CXADR: variants seen among roughly 807,000 people sequenced by gnomAD.
CXADR encodes the protein coxsackievirus and adenovirus receptor.
CXADR carries 20 observed loss-of-function variants against 40.3 expected under a neutral mutation model. That is an observed-to-expected ratio of 0.50 (90% CI 0.35 to 0.72). CXADR has a LOEUF of 0.72. Ranked by LOEUF, CXADR falls within the 30% of genes least tolerant of loss-of-function variation. CXADR has a pLI of 0.01. For missense variants in CXADR, 332 were observed against 449.1 expected, an observed-to-expected ratio of 0.74 and a Z score of 2.36; for synonymous variants, 150 against 161.3, an observed-to-expected ratio of 0.93 and a Z score of 0.53.
chr21:17,558,502 T>A (rs760250141), intron 3 of CXADR, among the ~76,000 whole-genome samples: 34 of 152,156 alleles, frequency 2.2e-4, no homozygotes, highest in Non-Finnish European at 2.2e-4. Flanking sequence ...CTTGCCACAC[T>A]AAGTGTTGTT....
the CXADR span, among the ~76,000 whole-genome samples, chr21:17,635,700 A>T: frequency 1.3e-5 from 2 of 152,236 alleles, no homozygotes; most frequent in Non-Finnish European, 2.9e-5. Flanking sequence ...AATACTTTTT[A>T]AGAAAACCAC....
intron 1 of CXADR, among the ~76,000 whole-genome samples, chr21:17,528,523 A>G (rs896449727): frequency 2.0e-5 from 3 of 151,350 alleles, no homozygotes; most frequent in Admixed American, 6.6e-5. Flanking sequence ...CTCCTACCTC[A>G]GCCTCCCGAG....
chr21:17,575,646 A>G (rs561284606), intron 7 of CXADR, among the ~76,000 whole-genome samples: 5 of 151,762 alleles, frequency 3.3e-5, no homozygotes, highest in African/African-American at 1.2e-4. Flanking sequence ...GTCCACTACC[A>G]AGCCCAGCTA....
At chr21:17,611,086 T>C in the CXADR span, among the ~76,000 whole-genome samples, 6 of 152,196 alleles carry the variant, frequency 3.9e-5, no homozygotes, top group South Asian at 1.2e-3. Flanking sequence ...CACGTATACA[T>C]AACCCCAGCC....
chr21:17,588,863 A>G (rs1235148498), intron 7 of CXADR, among the ~76,000 whole-genome samples: 2 of 152,010 alleles, frequency 1.3e-5, no homozygotes, highest in African/African-American at 4.8e-5. Context: ...TATGATTTCT[A>G]TTGACTTTAT....
chr21:17,611,855 T>A, the CXADR span: 1 of 152,230 alleles, frequency 6.6e-6, no homozygotes, highest in African/African-American at 2.4e-5. Flanking sequence ...TTTCCCTCCC[T>A]TGTAACGAAA....
At chr21:17,604,181 C>T in the CXADR span, 53 of 1,258,540 alleles carry the variant, frequency 4.2e-5, no homozygotes, top group South Asian at 1.1e-4. Context: ...CAGTGGCTCA[C>T]GCCTGTAATC....
At chr21:17,539,030 G>A (rs1420269975) in intron 1 of CXADR, among the ~76,000 whole-genome samples, 1 of 151,786 alleles carries the variant, frequency 6.6e-6, no homozygotes, top group African/African-American at 2.4e-5. Flanking sequence ...AGTGAACGTT[G>A]ATACCCTGCT....
the CXADR span, among the ~76,000 whole-genome samples, chr21:17,607,293 A>C: frequency 1.3e-5 from 2 of 152,178 alleles, no homozygotes; most frequent in African/African-American, 2.4e-5. Context: ...TGGCACTTCC[A>C]AAAAGCCTTC....
downstream of CXADR, among the ~76,000 whole-genome samples, chr21:17,597,761 C>T (rs1384191955): frequency 1.3e-5 from 2 of 151,904 alleles, no homozygotes; most frequent in Non-Finnish European, 2.9e-5. Flanking sequence ...TTAAGTTACA[C>T]TGAAATAATG....
At chr21:17,578,006 G>T (rs546429723) in intron 7 of CXADR, among the ~76,000 whole-genome samples, 16 of 152,060 alleles carry the variant, frequency 1.1e-4, no homozygotes, top group African/African-American at 3.6e-4. Flanking sequence ...ATAGTATTTA[G>T]ATACCATTTT....
At chr21:17,628,034 C>G in the CXADR span, among the ~76,000 whole-genome samples, 1 of 152,080 alleles carries the variant, frequency 6.6e-6, no homozygotes, top group Non-Finnish European at 1.5e-5. Context: ...TTTCTCAAAG[C>G]CCAACTTTTT....
At chr21:17,594,605 G>C (rs2061480224), downstream of CXADR, among the ~76,000 whole-genome samples, 1 of 152,010 alleles carries the variant, frequency 6.6e-6, no homozygotes, top group African/African-American at 2.4e-5. Context: ...CCAAAACATG[G>C]AACGAATGGA....
intron 5 of CXADR, 102 bp from the exon 6 acceptor site, chr21:17,561,230 CTTAAAG>C: frequency 3.6e-6 from 2 of 558,688 alleles, no homozygotes; most frequent in East Asian, 7.2e-5. Flanking sequence ...AATAATTTGT[CTTAAAG>C]TTAACACGTG....
At chr21:17,635,486 C>A in the CXADR span, among the ~76,000 whole-genome samples, 2 of 152,130 alleles carry the variant, frequency 1.3e-5, no homozygotes, top group Non-Finnish European at 2.9e-5. Flanking sequence ...CCTACTCCAT[C>A]CTCCCACCAC....
intron 6 of CXADR, among the ~76,000 whole-genome samples, chr21:17,564,148 C>T (rs1309895116): frequency 6.6e-6 from 1 of 151,014 alleles, no homozygotes; most frequent in Non-Finnish European, 1.5e-5. Flanking sequence ...TCTTCGGTAT[C>T]CATGGAGGAC....
chr21:17,590,054 T>G (rs1207562440), intron 7 of CXADR, among the ~76,000 whole-genome samples: 1 of 152,114 alleles, frequency 6.6e-6, no homozygotes. Flanking sequence ...CCATATTCCC[T>G]ATGGATTTAT....
At chr21:17,582,482 A>C (rs1027033337) in intron 7 of CXADR, among the ~76,000 whole-genome samples, 2 of 151,792 alleles carry the variant, frequency 1.3e-5, no homozygotes, top group Non-Finnish European at 1.5e-5. Context: ...ACACTGACTT[A>C]TCTCTCCCTC....
intron 3 of CXADR, among the ~76,000 whole-genome samples, chr21:17,554,692 A>T (rs1297970484): frequency 6.6e-6 from 1 of 152,116 alleles, no homozygotes. Context: ...CGAAGGTGAA[A>T]ATTAATTGGA....
Sources: allele counts gnomAD v4.1 joint callset (sites outside exome capture counted in the v4.1 genomes callset), GRCh38; gene constraint gnomAD v4.1.1; transcripts MANE v1.5; gene names NCBI Gene and HGNC (gene_info 2026-07-23, HGNC 2026-07-21).